MAGI2: variants seen among roughly 807,000 people sequenced by gnomAD.
MAGI2 encodes the protein membrane-associated guanylate kinase, WW and PDZ domain-containing protein 2.
Under a neutral mutation model 133.3 loss-of-function variants are expected in MAGI2, and 35 were observed. That is an observed-to-expected ratio of 0.26 (90% CI 0.20 to 0.35). The LOEUF (loss-of-function observed/expected upper bound fraction) is 0.35, where lower values mean the gene tolerates loss of function less well. Among genes scored for constraint, MAGI2 ranks in the 10% least tolerant of loss-of-function variants. MAGI2 has a pLI of 1.00. For missense variants in MAGI2, 1,636 were observed against 1,863.4 expected, an observed-to-expected ratio of 0.88 and a Z score of 2.25; for synonymous variants, 729 against 710.6, an observed-to-expected ratio of 1.03 and a Z score of -0.41.
At chr7:79,434,573 A>G (rs368919472) in intron 1 of MAGI2, among the ~76,000 whole-genome samples, 2 of 152,330 alleles carry the variant, frequency 1.3e-5, no homozygotes, top group South Asian at 2.1e-4. Flanking sequence ...TAGTGATCAC[A>G]TTGTCAAAAA....
intron 16 of MAGI2, among the ~76,000 whole-genome samples, chr7:78,147,813 T>C (rs974021018): frequency 1.7e-4 from 26 of 151,860 alleles, no homozygotes; most frequent in African/African-American, 6.3e-4. Flanking sequence ...CTGGGCAACA[T>C]AGGGATACCC....
At chr7:78,646,740 T>G (rs1810934204) in intron 2 of MAGI2, among the ~76,000 whole-genome samples, 1 of 152,236 alleles carries the variant, frequency 6.6e-6, no homozygotes, top group Non-Finnish European at 1.5e-5. Flanking sequence ...AGCAGCCAAC[T>G]GCTACCTGAA....
At chr7:78,696,954 C>G (rs576821053) in intron 2 of MAGI2, among the ~76,000 whole-genome samples, 1 of 149,502 alleles carries the variant, frequency 6.7e-6, no homozygotes, top group East Asian at 2.0e-4. Flanking sequence ...TACCACACTG[C>G]AATCAAAATG....
At position 78,527,006 on chromosome 7, in the gene MAGI2, C is replaced by CAAAAA. The variant is rs55707442; in HGVS notation, c.539-5366_539-5362dup. 3.9e-3 allele frequency among the ~76,000 whole-genome samples: 178 copies of CAAAAA among 45,464 alleles called. 1 individual carries two copies. The highest frequency in any genetic ancestry group is 0.037 in the Middle Eastern group (2 of 54). 29.8% of individuals were successfully genotyped at this position (45,464 alleles called of 152,430 possible). ...ATGGTGACAGGGCAAGACTCCATCTCAAAAAAAAAAAAAAAAAAAAAAAAA... is the reference window on the plus strand; with the variant it reads ...ATGGTGACAGGGCAAGACTCCATCTCAAAAAAAAAAAAAAAAAAAAAAAAAAAAAA... On this transcript the variant is annotated intron_variant, in intron 3 of 21. Coordinates refer to ENST00000354212, the MANE Select transcript of MAGI2 (RefSeq NM_012301.4).
chr7:78,844,504 T>C (rs1792421536), intron 2 of MAGI2, among the ~76,000 whole-genome samples: 1 of 151,886 alleles, frequency 6.6e-6, no homozygotes, highest in Non-Finnish European at 1.5e-5. Flanking sequence ...AGAGTACTGA[T>C]CCATGCTACA....
intron 3 of MAGI2, among the ~76,000 whole-genome samples, chr7:78,528,031 T>C (rs1797132046): frequency 6.6e-6 from 1 of 152,104 alleles, no homozygotes; most frequent in East Asian, 1.9e-4. Flanking sequence ...GAATTTTGGA[T>C]AGTGGTTCAG....
chr7:78,745,895 T>C (rs376573979), intron 2 of MAGI2, among the ~76,000 whole-genome samples: 12 of 152,178 alleles, frequency 7.9e-5, no homozygotes, highest in Admixed American at 3.9e-4. Context: ...TTAATGTAAT[T>C]TTTCAATGGA....
At chr7:79,034,211 T>TG (rs1362072363) in intron 1 of MAGI2, among the ~76,000 whole-genome samples, 1 of 148,298 alleles carries the variant, frequency 6.7e-6, no homozygotes, top group African/African-American at 2.6e-5. Context: ...GCATAAATGT[T>TG]GGTTTTTTTT....
chr7:78,266,575 A>G (rs1268937286), intron 9 of MAGI2, among the ~76,000 whole-genome samples: 1 of 144,946 alleles, frequency 6.9e-6, no homozygotes, highest in African/African-American at 2.5e-5. Context: ...GAAGAGGGGG[A>G]AAAAATCCCT....
intron 9 of MAGI2, among the ~76,000 whole-genome samples, chr7:78,315,804 T>C (rs974174608): frequency 3.3e-5 from 5 of 152,202 alleles, no homozygotes; most frequent in African/African-American, 9.6e-5. Flanking sequence ...AGTTTCTACC[T>C]TTAGAATTCA....
intron 1 of MAGI2, among the ~76,000 whole-genome samples, chr7:79,264,711 T>A (rs552765421): frequency 6.6e-6 from 1 of 152,110 alleles, no homozygotes; most frequent in Non-Finnish European, 1.5e-5. Flanking sequence ...AAAAGTGTAT[T>A]TGACTCATGA....
intron 3 of MAGI2, among the ~76,000 whole-genome samples, chr7:78,591,511 T>C (rs575073007): frequency 2.0e-5 from 3 of 152,320 alleles, no homozygotes; most frequent in Non-Finnish European, 4.4e-5. Context: ...ACTGTGTAAA[T>C]GAGGTCAGGA....
At position 79,181,398 on chromosome 7, in the gene MAGI2, G is replaced by T. The variant is rs1247240914; in HGVS notation, c.302-174192C>A. 2.6e-5 allele frequency among the ~76,000 whole-genome samples: 4 copies of T among 151,908 alleles called. No individual in the cohort carries two copies. In the East Asian group the frequency reaches 7.8e-4, roughly 29 times the overall value. On this transcript the variant is annotated intron_variant, in intron 1 of 21. Transcript: ENST00000354212. ...CACCATGTGGAAGCTACCAAGACTT[G>T]GGGCTTGTATCATCCAAAACTGCAG...
chr7:78,611,444 A>T (rs1806428185), intron 3 of MAGI2, among the ~76,000 whole-genome samples: 1 of 152,210 alleles, frequency 6.6e-6, no homozygotes, highest in Non-Finnish European at 1.5e-5. Context: ...TGGCATTTGA[A>T]CTTATGATTT....
intron 1 of MAGI2, among the ~76,000 whole-genome samples, chr7:79,063,613 G>T (rs1813997862): frequency 6.6e-6 from 1 of 152,008 alleles, no homozygotes; most frequent in Non-Finnish European, 1.5e-5. Context: ...TTTTAAGAGA[G>T]AAATGAGCCA....
chr7:78,625,051 TG>T (rs1490408177), intron 3 of MAGI2, among the ~76,000 whole-genome samples: 4 of 152,066 alleles, frequency 2.6e-5, no homozygotes, highest in Non-Finnish European at 5.9e-5. Context: ...GGACAAGATG[TG>T]AAGGTGGAAG....
At position 78,256,273 on chromosome 7, in the gene MAGI2, G is replaced by T; in HGVS notation, c.1717C>A (p.Pro573Thr). The T allele has an allele frequency of 6.2e-7, 1 of 1,614,078 alleles. No individual in the cohort carries two copies. The highest frequency in any genetic ancestry group is 8.5e-7 in the Non-Finnish European group (1 of 1,179,996). The stretch of plus-strand genomic sequence containing the variant: ...GTGCCGTCTAGCTGACCATCAGTTG[G>T]CATGGAGTGCAGAGAATGAGGCGGC... ...DRPPHSLHSM[P>T]TDGQLDGTYP... The change falls in exon 10 of 22, where the codon CCA (proline) becomes ACA (threonine). Residue 573 changes from proline to threonine, a missense_variant. Coordinates refer to ENST00000354212, the MANE Select transcript of MAGI2 (RefSeq NM_012301.4).
At chr7:78,831,173 A>G (rs1312802639) in intron 2 of MAGI2, among the ~76,000 whole-genome samples, 1 of 152,148 alleles carries the variant, frequency 6.6e-6, no homozygotes, top group Non-Finnish European at 1.5e-5. Flanking sequence ...CAGCCACACC[A>G]TAGTTTCATT....
chr7:78,523,110 G>A (rs1457191821), intron 3 of MAGI2, among the ~76,000 whole-genome samples: 2 of 152,190 alleles, frequency 1.3e-5, no homozygotes, highest in Non-Finnish European at 2.9e-5. Flanking sequence ...AAGGTGTGCT[G>A]TGAAAGGAAT....
Sources: allele counts gnomAD v4.1 joint callset (sites outside exome capture counted in the v4.1 genomes callset), GRCh38; gene constraint gnomAD v4.1.1; transcripts MANE v1.5; gene names NCBI Gene and HGNC (gene_info 2026-07-23, HGNC 2026-07-21).